Variants in SALL4 observed in about 807,000 individuals in gnomAD.
SALL4 encodes spalt like transcription factor 4.
In SALL4, 4 loss-of-function variants were observed where a neutral mutation model predicts 60.8. The observed-to-expected ratio is 0.07, with a 90% confidence interval of 0.03 to 0.15. SALL4 has a LOEUF of 0.15. Among genes scored for constraint, SALL4 ranks in the 10% least tolerant of loss-of-function variants. SALL4 has a pLI of 1.00. For missense variants in SALL4, 1,178 were observed against 1,394.7 expected (o/e 0.84, Z 2.48); for synonymous variants, 580 against 574.9 (o/e 1.01, Z -0.13).
chr20:51,784,657 T>C lies in SALL4; in HGVS notation c.2770A>G (p.Asn924Asp). 1 of 1,614,214 alleles carries C rather than the reference T, an allele frequency of 6.2e-7. No homozygotes were observed. Among genetic ancestry groups the C allele is most frequent in the Non-Finnish European group, 8.5e-7 (1 of 1,180,048 alleles). ...KVHYMTHGANNNSARRGRKLA... is the reference protein window; with the variant it reads ...KVHYMTHGANDNSARRGRKLA... ...TTCCTTCCACGGCGGGCTGAGTTATTGTTCGCCCCGTGTGTCATGTAGTGA... is the reference window on the plus strand; with the variant it reads ...TTCCTTCCACGGCGGGCTGAGTTATCGTTCGCCCCGTGTGTCATGTAGTGA... The change falls in exon 4 of 4, where the codon AAT becomes GAT. Residue 924 changes from asparagine to aspartate, a missense_variant. Asn to Asp is a conservative substitution (Grantham distance 23). Transcript: ENST00000217086.
chr20:51,784,725 T>A, intron 3 of SALL4, 41 bp from the exon 4 acceptor site: 1 of 1,611,314 alleles, frequency 6.2e-7, no homozygotes, highest in Non-Finnish European at 8.5e-7. Context: ...AAAATAGAGA[T>A]TTGAAGCTCA....
rs59443404 is a variant in SALL4, at chr20:51,792,794, G to A, written c.131-442C>T. On this transcript the variant is annotated intron_variant, in intron 1 of 3. Coordinates refer to ENST00000217086, the MANE Select transcript of SALL4 (RefSeq NM_020436.5). ...GTGCCAGCCTACACATTGCAACTCC[G>A]AACTTGGGACTGTGTTTTAGCCAGA... is the stretch of plus-strand genomic sequence containing the variant. 811 of 1,055,416 alleles carry A rather than the reference G, an allele frequency of 7.7e-4. 3 individuals carry two copies. In the African/African-American group the frequency reaches 0.011, roughly 14 times the overall value. The allele number at this position is 1,055,416 out of a possible 1,614,324, so 65.4% of individuals were successfully genotyped here. A position where few individuals can be genotyped will look rare whatever the true frequency, so the allele number is the denominator to read the frequency against.
chr20:51,789,945 T>C, intron 2 of SALL4, 77 bp downstream of exon 2: 1 of 1,580,330 alleles, frequency 6.3e-7, no homozygotes, highest in Non-Finnish European at 8.7e-7. Flanking sequence ...ACTCTCCGTT[T>C]GTAAAGTTCA....
At chr20:51,787,365 A>G (rs1198213803) in intron 3 of SALL4, among the ~76,000 whole-genome samples, 1 of 152,194 alleles carries the variant, frequency 6.6e-6, no homozygotes, top group Non-Finnish European at 1.5e-5. Flanking sequence ...CAGAGGTTGC[A>G]ATGAGCCGAG....
At position 51,791,570 on chromosome 20, in the gene SALL4, A is replaced by G; in HGVS notation, c.913T>C (p.Ser305Pro). ...AAGGGTGCCAGCCCTGGGGACAGGGAGCTGGTGGCAGAAGGGATGTTGGCG... is the reference window on the plus strand; with the variant it reads ...AAGGGTGCCAGCCCTGGGGACAGGGGGCTGGTGGCAGAAGGGATGTTGGCG... ...PHANIPSATSSLSPGLAPFTL... is the reference protein window; with the variant it reads ...PHANIPSATSPLSPGLAPFTL... The change falls in exon 2 of 4, where the codon TCC becomes CCC. Residue 305 changes from serine to proline, a missense_variant. Physicochemically the swap from Ser to Pro is moderately conservative, Grantham distance 74. Around this residue, in one of 5 missense-constraint regions of SALL4, gnomAD observed 853 missense variants for 1,036.8 expected, o/e 0.82. Coordinates refer to ENST00000217086, the MANE Select transcript of SALL4 (RefSeq NM_020436.5). This position sits in a 1 kb window ranked among gnomAD's most constrained non-coding sequence, Gnocchi z 4.6. 1 of 1,613,612 alleles carries G rather than the reference A, an allele frequency of 6.2e-7. No individual in the cohort carries two copies. Among genetic ancestry groups the G allele is most frequent in the South Asian group, 1.1e-5 (1 of 91,074 alleles).
chr20:51,790,654 T>C lies in SALL4; in HGVS notation c.1829A>G (p.Lys610Arg), dbSNP rs2078031088. The C allele has an allele frequency of 6.2e-7, 1 of 1,614,150 alleles. No individual in the cohort carries two copies. Among genetic ancestry groups the C allele is most frequent in the Non-Finnish European group, 8.5e-7 (1 of 1,180,032 alleles). ...GRAFSTKGNLKTHLGVHRTNT... is the reference protein window; with the variant it reads ...GRAFSTKGNLRTHLGVHRTNT... ...GGTTCGGTGAACCCCAAGGTGTGTC[T>C]TCAGGTTACCTTTGGTAGAAAAGGC... The change falls in exon 2 of 4, where the codon AAG (lysine) becomes AGG (arginine). Residue 610 changes from lysine to arginine, a missense_variant. Physicochemically the swap from Lys to Arg is conservative, Grantham distance 26. Transcript: ENST00000217086. The surrounding 1 kb of genome is among the most constrained non-coding windows in gnomAD (Gnocchi z 5.5).
chr20:51,791,123 C>T lies in SALL4; in HGVS notation c.1360G>A (p.Gly454Ser). Residue 454 changes from glycine (G) to serine (S), a missense_variant, in exon 2 of 4, where the codon GGC (glycine) becomes AGC (serine). Coordinates refer to ENST00000217086, the MANE Select transcript of SALL4 (RefSeq NM_020436.5). This position sits in a 1 kb window ranked among gnomAD's most constrained non-coding sequence, Gnocchi z 4.6. ...GGTACAGAGAGTGCATAGGGGATGC[C>T]ATTGCCGGCCGCCACTTTGTCCTGG... Reference protein sequence around the residue: ...EFQDKVAAGNGIPYALSVPDP... With the variant: ...EFQDKVAAGNSIPYALSVPDP... 6.2e-7 allele frequency: 1 copy of T among 1,614,090 alleles called. No individual in the cohort carries two copies. Among genetic ancestry groups the T allele is most frequent in the Non-Finnish European group, 8.5e-7 (1 of 1,180,024 alleles).
rs2077965169 is a variant in SALL4, at chr20:51,783,052, A to G, written c.*1213T>C. On this transcript the variant is annotated 3_prime_UTR_variant, in exon 4 of 4. Coordinates refer to ENST00000217086, the MANE Select transcript of SALL4 (RefSeq NM_020436.5). Reference sequence around the variant, plus strand: ...ATAATTACTTGGCATAAGTCGCACCAAGGAAATTCAACAAAAGCAATCAGT... The same window carrying G: ...ATAATTACTTGGCATAAGTCGCACCGAGGAAATTCAACAAAAGCAATCAGT... 1 of 152,236 alleles carries G rather than the reference A, an allele frequency of 6.6e-6. No homozygotes were observed. Among genetic ancestry groups the G allele is most frequent in the South Asian group, 2.1e-4 (1 of 4,836 alleles). 9.4% of individuals were successfully genotyped at this position (152,236 alleles called of 1,614,324 possible). A position where few individuals can be genotyped will look rare whatever the true frequency, so the allele number is the denominator to read the frequency against.
chr20:51,792,435 T>A (rs573175004), intron 1 of SALL4, 83 bp from the exon 2 acceptor site: 10 of 1,539,328 alleles, frequency 6.5e-6, no homozygotes, highest in Middle Eastern at 1.8e-4. Context: ...ACATCTATAA[T>A]CCTAGCACTT....
At chr20:51,787,452 G>T (rs151306865) in intron 3 of SALL4, among the ~76,000 whole-genome samples, 1 of 152,220 alleles carries the variant, frequency 6.6e-6, no homozygotes, top group Non-Finnish European at 1.5e-5. Flanking sequence ...TAAATATAGA[G>T]AACATCAATG....
Position 51,798,284 on chromosome 20 carries a change from T to C in SALL4, c.130+3995A>G, listed in dbSNP as rs1026852562. On this transcript the variant is annotated intron_variant, in intron 1 of 3. Coordinates refer to ENST00000217086, the MANE Select transcript of SALL4 (RefSeq NM_020436.5). The stretch of plus-strand genomic sequence containing the variant: ...AAAGAGTAAATGGCTCAAAGAAAGT[T>C]TCACAGGCGCTAAGGCGTGTGACTT... 5.3e-5 allele frequency among the ~76,000 whole-genome samples: 8 copies of C among 152,340 alleles called. No individual in the cohort carries two copies. The East Asian group carries it at 1.5e-3, about 29-fold the overall frequency.
At position 51,801,740 on chromosome 20, in the gene SALL4, T is replaced by TC. The variant is rs2078111077; in HGVS notation, c.130+538dup. ...GAGGGTGGGGAGAGGTCGCGCCCCC[T>TC]CCCCCCACTTGGCCCGGGAGGGGCG... is the stretch of plus-strand genomic sequence containing the variant. On this transcript the variant is annotated intron_variant, in intron 1 of 3. Coordinates refer to ENST00000217086, the MANE Select transcript of SALL4 (RefSeq NM_020436.5). This position sits in a 1 kb window ranked among gnomAD's most constrained non-coding sequence, Gnocchi z 5.2. 6.6e-6 allele frequency among the ~76,000 whole-genome samples: 1 copy of TC among 151,666 alleles called. No homozygotes were observed. Among genetic ancestry groups the TC allele is most frequent in the Non-Finnish European group, 1.5e-5 (1 of 67,876 alleles).
rs1283195329 is a variant in SALL4, at chr20:51,782,609, A to G, written c.*1656T>C. On this transcript the variant is annotated 3_prime_UTR_variant, in exon 4 of 4. Coordinates refer to ENST00000217086, the MANE Select transcript of SALL4 (RefSeq NM_020436.5). Reference sequence around the variant, plus strand: ...AATCCTAAAGTCAGGTGCAACGATGAAGAGACAACACTTTGGCTAATCGTC... The same window carrying G: ...AATCCTAAAGTCAGGTGCAACGATGGAGAGACAACACTTTGGCTAATCGTC... 2 of 151,698 alleles carry G rather than the reference A, an allele frequency of 1.3e-5. No individual in the cohort carries two copies. The highest frequency in any genetic ancestry group is 4.8e-5 in the African/African-American group (2 of 41,282). The allele number at this position is 151,698 out of a possible 1,614,324, so 9.4% of individuals were successfully genotyped here.
At position 51,801,860 on chromosome 20, in the gene SALL4, G is replaced by A. The variant is rs1418112871; in HGVS notation, c.130+419C>T. Among the ~76,000 whole-genome samples the A allele has an allele frequency of 6.6e-6, 1 of 151,562 alleles. No individual in the cohort carries two copies. Among genetic ancestry groups the A allele is most frequent in the Non-Finnish European group, 1.5e-5 (1 of 67,856 alleles). On this transcript the variant is annotated intron_variant, in intron 1 of 3. Transcript: ENST00000217086. This position sits in a 1 kb window ranked among gnomAD's most constrained non-coding sequence, Gnocchi z 5.2. ...CCCCAAGGGGCTGGTGGAGAGGGTG[G>A]GGATCCCCCGGGGTTCTTTCTTTTG... is the stretch of plus-strand genomic sequence containing the variant.
In SALL4 at chr20:51,784,315, T is replaced by G; in HGVS notation, c.3112A>C (p.Lys1038Gln). Residue 1038 changes from lysine to glutamine, a missense_variant, in exon 4 of 4, where the codon AAA becomes CAA. Lys to Gln is a moderately conservative substitution (Grantham distance 53, BLOSUM62 1). Around this residue, in one of 5 missense-constraint regions of SALL4, gnomAD observed 174 missense variants for 169.6 expected, o/e 1.03. Transcript: ENST00000217086. ...EKPSATDGVP[K>Q]HQFPHFLEEN... ...TCCAGGAAGTGAGGAAACTGGTGTT[T>G]GGGAACGCCGTCAGTAGCACTTGGT... is the stretch of plus-strand genomic sequence containing the variant. 1 of 1,614,196 alleles carries G rather than the reference T, an allele frequency of 6.2e-7. No individual in the cohort carries two copies. Among genetic ancestry groups the G allele is most frequent in the Non-Finnish European group, 8.5e-7 (1 of 1,180,046 alleles).
At position 51,790,221 on chromosome 20, in the gene SALL4, C is replaced by T. The variant is rs138721208; in HGVS notation, c.2262G>A (p.Val754=). The T allele has an allele frequency of 2.8e-5, 45 of 1,614,050 alleles. No homozygotes were observed. Among genetic ancestry groups the T allele is most frequent in the Middle Eastern group, 1.6e-4 (1 of 6,084 alleles). Residue 754 remains valine (V), a synonymous_variant, in exon 2 of 4, where the codon GTG becomes GTA. Transcript: ENST00000217086. The surrounding 1 kb of genome is among the most constrained non-coding windows in gnomAD (Gnocchi z 5.5). The stretch of plus-strand genomic sequence containing the variant: ...AGTCGTTGGTCAAGCCATCGCTCTC[C>T]ACGGAACCGTTTTCTCTGCTGCCCT... ...QRQGSRENGS[V]ESDGLTNDSS...
At chr20:51,793,078 C>T (rs2078059405) in intron 1 of SALL4, 9 of 624,210 alleles carry the variant, frequency 1.4e-5, no homozygotes, top group Non-Finnish European at 1.8e-5. Flanking sequence ...TAAATTTTGG[C>T]CCACCCACCC....
chr20:51,784,738 G>T, intron 3 of SALL4, 54 bp from the exon 4 acceptor site: 1 of 1,595,884 alleles, frequency 6.3e-7, no homozygotes, highest in Non-Finnish European at 8.6e-7. Flanking sequence ...GAAGCTCACT[G>T]GCAAGCCAAG....
rs1339648031 is a variant in SALL4 at position 51,792,109 on chromosome 20, G to C, written c.374C>G (p.Thr125Ser). 1 of 1,614,204 alleles carries C rather than the reference G, an allele frequency of 6.2e-7. No individual in the cohort carries two copies. Among genetic ancestry groups the C allele is most frequent in the East Asian group, 2.2e-5 (1 of 44,884 alleles). Residue 125 changes from threonine (T) to serine (S), a missense_variant, in exon 2 of 4, where the codon ACC becomes AGC. Around this residue, in one of 5 missense-constraint regions of SALL4, gnomAD observed 853 missense variants for 1,036.8 expected, o/e 0.82. Transcript: ENST00000217086. ...FSGAVLSHQPTSPGSKDCHRE... is the reference protein window; with the variant it reads ...FSGAVLSHQPSSPGSKDCHRE... ...GTGACAGTCCTTACTGCCGGGACTG[G>C]TGGGCTGGTGGCTCAGTACAGCTCC...
Sources: gnomAD v4.1 joint callset for allele counts (sites outside exome capture counted in the v4.1 genomes callset) on GRCh38, gnomAD v4.1.1 for gene constraint, gnomAD v4.1.1 regional missense constraint, Gnocchi (gnomAD v3.1) non-coding constraint, MANE v1.5 for transcripts, NCBI Gene and HGNC (gene_info 2026-07-23, HGNC 2026-07-21) for gene names.